NLN: variants seen among roughly 807,000 people sequenced by gnomAD.
NLN encodes neurolysin, mitochondrial.
In NLN, 64 loss-of-function variants were observed where a neutral mutation model predicts 79.9. That is an observed-to-expected ratio of 0.80 (90% CI 0.65 to 0.99). The LOEUF (loss-of-function observed/expected upper bound fraction) is 0.99, where lower values mean the gene tolerates loss of function less well. Among genes scored for constraint, NLN ranks in the 50% least tolerant of loss-of-function variants. NLN has a pLI of 0.00. For synonymous variants in NLN, 267 were observed against 296.6 expected, an observed-to-expected ratio of 0.90 and a Z score of 1.02; for missense variants, 835 against 858.7, an observed-to-expected ratio of 0.97 and a Z score of 0.34.
At chr5:65,783,512 G>A (rs1000256876) in intron 6 of NLN, among the ~76,000 whole-genome samples, 5 of 152,086 alleles carry the variant, frequency 3.3e-5, no homozygotes, top group African/African-American at 9.7e-5. Flanking sequence ...CATGGCCACA[G>A]CTGGCTTTGA....
chr5:65,726,435 A>G (rs923146730), intron 1 of NLN, among the ~76,000 whole-genome samples: 2 of 152,230 alleles, frequency 1.3e-5, no homozygotes, highest in Non-Finnish European at 2.9e-5. Context: ...TGAAGTACCA[A>G]CAGTATTATC....
chr5:65,816,855 T>C (rs996112023), intron 12 of NLN, among the ~76,000 whole-genome samples: 1 of 152,140 alleles, frequency 6.6e-6, no homozygotes. Flanking sequence ...TGTGGGTCAT[T>C]TTGAGAAGGT....
chr5:65,743,456 A>G (rs577619776), intron 1 of NLN, among the ~76,000 whole-genome samples: 10 of 152,392 alleles, frequency 6.6e-5, no homozygotes, highest in African/African-American at 2.4e-4. Context: ...TTTCTAGAAT[A>G]TACTTAGAAA....
chr5:65,784,468 G>A (rs1347045986), intron 6 of NLN, among the ~76,000 whole-genome samples: 1 of 152,132 alleles, frequency 6.6e-6, no homozygotes, highest in East Asian at 1.9e-4. Context: ...CAGTTCTGAA[G>A]GCTGAGAAAT....
chr5:65,769,332 C>T (rs67715593), intron 3 of NLN, among the ~76,000 whole-genome samples: 37 of 152,146 alleles, frequency 2.4e-4, no homozygotes, highest in Non-Finnish European at 2.9e-5. Context: ...AGACCTGCTA[C>T]TTGATAGCAC....
chr5:65,770,823 A>G (rs1759551249), intron 3 of NLN, among the ~76,000 whole-genome samples: 1 of 152,246 alleles, frequency 6.6e-6, no homozygotes, highest in African/African-American at 2.4e-5. Context: ...ATAAATAAGT[A>G]TAACAACATG....
chr5:65,798,084 C>G (rs1195354798), intron 9 of NLN, among the ~76,000 whole-genome samples: 35 of 152,256 alleles, frequency 2.3e-4, no homozygotes. Flanking sequence ...CAAGGTTAGA[C>G]CAGCCAAGAC....
chr5:65,809,492 A>T (rs1156875535), intron 9 of NLN, 23 bp from the exon 10 acceptor site: 1 of 1,562,174 alleles, frequency 6.4e-7, no homozygotes, highest in Non-Finnish European at 8.6e-7. Context: ...TCTTTAAAAA[A>T]ATTCTCTGTG....
intron 9 of NLN, among the ~76,000 whole-genome samples, chr5:65,804,808 G>A (rs1760371994): frequency 1.3e-5 from 2 of 152,148 alleles, no homozygotes; most frequent in South Asian, 2.1e-4. Context: ...TGGGATTACA[G>A]ATGTGAGCTA....
intron 1 of NLN, among the ~76,000 whole-genome samples, chr5:65,751,907 AT>A (rs1759110858): frequency 6.6e-6 from 1 of 152,098 alleles, no homozygotes; most frequent in Admixed American, 6.5e-5. Context: ...CTTCCTGTCA[AT>A]TCCCGTATGG....
intron 9 of NLN, among the ~76,000 whole-genome samples, chr5:65,806,469 G>A (rs1322485321): frequency 1.3e-5 from 2 of 152,134 alleles, no homozygotes; most frequent in Admixed American, 6.5e-5. Context: ...TTGAGGAAGG[G>A]GTTCAAGACC....
In NLN at chr5:65,810,115, G is replaced by C; in HGVS notation, c.1793G>C (p.Ser598Thr). ...LHTNTSLDAA[S>T]EYAKYCSEIL... ...ACCAACACATCGCTGGATGCTGCAA[G>C]TGAATATGCCAAATACTGCTCAGAA... is the stretch of plus-strand genomic sequence containing the variant. The change falls in exon 11 of 13, where the codon AGT becomes ACT. Residue 598 changes from serine (S) to threonine (T), a missense_variant. By Grantham distance (58) the Ser-to-Thr change is moderately conservative (BLOSUM62 1). Transcript: ENST00000380985. 1 of 1,613,996 alleles carries C rather than the reference G, an allele frequency of 6.2e-7. No homozygotes were observed. The highest frequency in any genetic ancestry group is 8.5e-7 in the Non-Finnish European group (1 of 1,179,850).
Position 65,730,393 on chromosome 5 carries a change from G to C in NLN, c.41+7979G>C, listed in dbSNP as rs79718209. On this transcript the variant is annotated intron_variant, in intron 1 of 12. Transcript: ENST00000380985. ...CAGGTCATTCTAAGCAGGAGAAACG[G>C]CACACACCAAGGCTCTGAAAGCAGG... Among the ~76,000 whole-genome samples the C allele has an allele frequency of 5.9e-3, 893 of 152,312 alleles. 8 individuals carry two copies. The highest frequency in any genetic ancestry group is 0.021 in the African/African-American group (855 of 41,560).
rs116654660 is a variant in NLN, at chr5:65,806,735, T to G, written c.1528-2780T>G. 2.1e-3 allele frequency among the ~76,000 whole-genome samples: 320 copies of G among 152,296 alleles called. 1 individual carries two copies. The highest frequency in any genetic ancestry group is 7.4e-3 in the African/African-American group (307 of 41,544). On this transcript the variant is annotated intron_variant, in intron 9 of 12. Transcript: ENST00000380985. ...TACATAAACTTAGTTGGTAGAGCAG[T>G]GGCAGGTATTGAGATAATTGACTCC... is the stretch of plus-strand genomic sequence containing the variant.
At chr5:65,766,003 C>A (rs1377737164) in intron 3 of NLN, among the ~76,000 whole-genome samples, 1 of 152,112 alleles carries the variant, frequency 6.6e-6, no homozygotes, top group Admixed American at 6.5e-5. Context: ...TGATGCATAA[C>A]ATATTACCCC....
intron 1 of NLN, among the ~76,000 whole-genome samples, chr5:65,741,890 T>C (rs1016473191): frequency 1.3e-5 from 2 of 152,188 alleles, no homozygotes; most frequent in African/African-American, 4.8e-5. Context: ...CCTATAATCA[T>C]TAAGTTAGCT....
intron 8 of NLN, among the ~76,000 whole-genome samples, chr5:65,790,230 G>A (rs900065340): frequency 2.6e-5 from 4 of 152,046 alleles, no homozygotes; most frequent in Non-Finnish European, 4.4e-5. Context: ...ATACACACAA[G>A]TTTGTAATCC....
Position 65,731,451 on chromosome 5 carries a change from T to C in NLN, c.41+9037T>C, listed in dbSNP as rs569659633. Reference sequence around the variant, plus strand: ...GCACATAATAAAATCTCGAGAAATATTAGTTACTGTTTTTACTTGTGTGAA... The same window carrying C: ...GCACATAATAAAATCTCGAGAAATACTAGTTACTGTTTTTACTTGTGTGAA... On this transcript the variant is annotated intron_variant, in intron 1 of 12. Transcript: ENST00000380985. Among the ~76,000 whole-genome samples, 8 of 152,320 alleles carry C rather than the reference T, an allele frequency of 5.3e-5. 1 individual carries two copies. Among genetic ancestry groups the C allele is most frequent in the African/African-American group, 1.9e-4 (8 of 41,564 alleles).
At chr5:65,820,978 G>A (rs1401259790) in intron 12 of NLN, among the ~76,000 whole-genome samples, 2 of 151,440 alleles carry the variant, frequency 1.3e-5, no homozygotes, top group South Asian at 2.1e-4. Context: ...GGGAGGCAGA[G>A]GTTGCAGTAA....
Sources: allele counts gnomAD v4.1 joint callset (sites outside exome capture counted in the v4.1 genomes callset), GRCh38; gene constraint gnomAD v4.1.1; transcripts MANE v1.5; gene names NCBI Gene and HGNC (gene_info 2026-07-23, HGNC 2026-07-21).